The following DKK3 variants were observed in gnomAD, a reference collection of about 807,000 sequenced individuals.
The protein encoded by DKK3 is dickkopf Wnt signaling pathway inhibitor 3, also known as dickkopf-related protein 3.
DKK3 carries 22 observed loss-of-function variants against 33.2 expected under a neutral mutation model. The ratio of observed to expected loss-of-function variants is 0.66; its 90% confidence interval spans 0.47 to 0.95. The LOEUF (loss-of-function observed/expected upper bound fraction) is 0.95, where lower values mean the gene tolerates loss of function less well. Among genes scored for constraint, DKK3 ranks in the 40% least tolerant of loss-of-function variants. DKK3 has a pLI of 0.00. For missense variants in DKK3, 398 were observed against 458.4 expected (o/e 0.87, Z 1.20); for synonymous variants, 194 against 188.8 (o/e 1.03, Z -0.23).
intron 4 of DKK3, among the ~76,000 whole-genome samples, chr11:11,967,696 G>A (rs1847632030): frequency 1.3e-5 from 2 of 152,246 alleles, no homozygotes; most frequent in South Asian, 4.1e-4. Flanking sequence ...CTGTGTTATT[G>A]TCTGAATAAG....
At chr11:11,973,211 A>C (rs75196150) in intron 3 of DKK3, among the ~76,000 whole-genome samples, 7,045 of 152,278 alleles carry the variant, frequency 0.046, 275 homozygotes, top group African/African-American at 0.11. Flanking sequence ...CCTTATCCCT[A>C]CTTCACAGAT....
chr11:12,008,660 G>GCCCGCCGCCCCGCCCCGTTCCGC, upstream of DKK3: 4 of 1,260,338 alleles, frequency 3.2e-6, no homozygotes, highest in Non-Finnish European at 4.0e-6. This position sits in a 1 kb window ranked among gnomAD's most constrained non-coding sequence, Gnocchi z 4.6. Flanking sequence ...CCCTCGCTGG[G>GCCCGCCGCCCCGCCCCGTTCCGC]CCCGCCGCCC....
intron 3 of DKK3, among the ~76,000 whole-genome samples, chr11:11,977,745 T>C (rs1222714850): frequency 1.3e-5 from 2 of 152,170 alleles, no homozygotes; most frequent in Non-Finnish European, 2.9e-5. Context: ...AGGAGGCTGA[T>C]GGGCATTTCA....
In DKK3 at chr11:11,965,886, G is replaced by A. The variant is rs766785415; in HGVS notation, c.753C>T (p.Leu251=). ...CHDPASRLLD[L]ITWELEPDGA... is the part of the protein sequence containing the mutation. Reference sequence around the variant, plus strand: ...CATCAGGCTCTAGCTCCCAGGTGATGAGGTCCAGAAGCCGGCTGGCGGGGT... The same window carrying A: ...CATCAGGCTCTAGCTCCCAGGTGATAAGGTCCAGAAGCCGGCTGGCGGGGT... The change falls in exon 6 of 7, where the codon CTC becomes CTT. Residue 251 remains leucine, a synonymous_variant. Coordinates refer to ENST00000683431, the MANE Select transcript of DKK3 (RefSeq NM_001018057.2). 2 of 1,614,182 alleles carry A rather than the reference G, an allele frequency of 1.2e-6. No homozygotes were observed. The highest frequency in any genetic ancestry group is 1.7e-6 in the Non-Finnish European group (2 of 1,180,052).
intron 3 of DKK3, chr11:11,979,156 G>C (rs1847902048): frequency 6.6e-6 from 1 of 152,450 alleles, no homozygotes; most frequent in Middle Eastern, 3.4e-3. Context: ...ATCCATTCAG[G>C]GGCCTTGGCC....
chr11:11,967,060 C>G lies in DKK3; in HGVS notation c.567G>C (p.Leu189=). 6.2e-7 allele frequency: 1 copy of G among 1,613,966 alleles called. No individual in the cohort carries two copies. The highest frequency in any genetic ancestry group is 8.5e-7 in the Non-Finnish European group (1 of 1,180,024). Reference sequence around the variant, plus strand: ...TTTTGGTGCAGTGACCCCAGACACACAGCTGGTCTCCACAGCACTCACTGT... The same window carrying G: ...TTTTGGTGCAGTGACCCCAGACACAGAGCTGGTCTCCACAGCACTCACTGT... ...TRDSECCGDQ[L]CVWGHCTKMA... is the part of the protein sequence containing the mutation. The change falls in exon 5 of 7, where the codon CTG becomes CTC. Residue 189 remains leucine, a synonymous_variant. Coordinates refer to ENST00000683431, the MANE Select transcript of DKK3 (RefSeq NM_001018057.2).
chr11:11,976,859 C>T lies in DKK3; in HGVS notation c.436-8372G>A, dbSNP rs182599703. 1.3e-4 allele frequency among the ~76,000 whole-genome samples: 20 copies of T among 152,324 alleles called. No individual in the cohort carries two copies. The East Asian group carries it at 3.7e-3, about 28-fold the overall frequency. On this transcript the variant is annotated intron_variant, in intron 3 of 6. Transcript: ENST00000683431. ...TTTTTGACCTTAAAACCAGGCCAGT[C>T]GCAGGAGCCTGTAAGATGCACATTT...
intron 3 of DKK3, among the ~76,000 whole-genome samples, chr11:11,982,296 C>G (rs919616186): frequency 6.6e-6 from 1 of 151,854 alleles, no homozygotes; most frequent in Non-Finnish European, 1.5e-5. Flanking sequence ...GATGACAGGC[C>G]CTGCTGGGTA....
chr11:12,002,190 A>G, intron 2 of DKK3, 110 bp downstream of exon 2: 2 of 1,174,422 alleles, frequency 1.7e-6, no homozygotes, highest in East Asian at 2.5e-5. Context: ...ATGATTCTCA[A>G]TTGTAGTTTG....
At chr11:12,008,681 C>A (rs1208855930), upstream of DKK3, 7 of 1,222,470 alleles carry the variant, frequency 5.7e-6, no homozygotes, top group African/African-American at 1.1e-4. The surrounding 1 kb of genome is among the most constrained non-coding windows in gnomAD (Gnocchi z 4.6). Flanking sequence ...CGCCCCGTTC[C>A]GCCCCGCCGC....
At chr11:11,981,280 C>T (rs1029820619) in intron 3 of DKK3, among the ~76,000 whole-genome samples, 1 of 152,190 alleles carries the variant, frequency 6.6e-6, no homozygotes, top group Non-Finnish European at 1.5e-5. Context: ...GGGAGGCCAA[C>T]AGCACTGCCT....
chr11:11,999,124 A>G (rs1848367823), intron 2 of DKK3, among the ~76,000 whole-genome samples: 1 of 152,198 alleles, frequency 6.6e-6, no homozygotes, highest in Admixed American at 6.5e-5. Flanking sequence ...TTGAAACTCA[A>G]TGTCAACTTT....
In DKK3 at chr11:11,998,689, A is replaced by C. The variant is rs774535274; in HGVS notation, c.435+7T>G. 6.2e-6 allele frequency: 10 copies of C among 1,613,082 alleles called. No homozygotes were observed. Among genetic ancestry groups the C allele is most frequent in the Non-Finnish European group, 8.5e-6 (10 of 1,179,068 alleles). The stretch of plus-strand genomic sequence containing the variant: ...GGGGTGCAAGTACAGGGGAAATGAC[A>C]ACTTACGTGGCTCCTTCTGCCTTCT... On this transcript the variant is annotated splice_region_variant and intron_variant, in intron 3 of 6. Coordinates refer to ENST00000683431, the MANE Select transcript of DKK3 (RefSeq NM_001018057.2).
intron 4 of DKK3, 51 bp downstream of exon 4, chr11:11,968,344 C>T: frequency 6.4e-7 from 1 of 1,551,264 alleles, no homozygotes; most frequent in South Asian, 1.2e-5. Flanking sequence ...CTTTCTCCCC[C>T]AGGTGCCTGA....
At chr11:11,997,617 C>CTCCACAGCCAGTGCCCTT (rs1848325223) in intron 3 of DKK3, among the ~76,000 whole-genome samples, 1 of 152,120 alleles carries the variant, frequency 6.6e-6, no homozygotes, top group Non-Finnish European at 1.5e-5. Context: ...GGCTTCTAGA[C>CTCCACAGCCAGTGCCCTT]TCCACAGCCA....
At chr11:11,998,828 A>T (rs1277594504) in intron 2 of DKK3, 49 bp from the exon 3 acceptor site, 2 of 1,519,912 alleles carry the variant, frequency 1.3e-6, no homozygotes, top group South Asian at 2.2e-5. Flanking sequence ...AATTCTGGAC[A>T]AATTCCACAA....
At chr11:11,969,749 C>T (rs574526169) in intron 3 of DKK3, among the ~76,000 whole-genome samples, 2 of 152,332 alleles carry the variant, frequency 1.3e-5, no homozygotes, top group East Asian at 3.9e-4. Context: ...CCGGCAGCTG[C>T]CTCCAGTCCC....
chr11:12,002,416 C>T lies in DKK3; in HGVS notation c.235G>A (p.Ala79Thr). ...AGGTTCACTTCTGATGATGCTTTAG[C>T]AGCAGCTTCTTCTGCCTCCATCTAT... ...VEEMEAEEAA[A>T]KASSEVNLAN... The change falls in exon 2 of 7, where the codon GCT (alanine) becomes ACT (threonine). Residue 79 changes from alanine to threonine, a missense_variant. Physicochemically the swap from Ala to Thr is moderately conservative, Grantham distance 58 (BLOSUM62 0). Coordinates refer to ENST00000683431, the MANE Select transcript of DKK3 (RefSeq NM_001018057.2). 6.2e-7 allele frequency: 1 copy of T among 1,613,540 alleles called. No individual in the cohort carries two copies. The highest frequency in any genetic ancestry group is 2.2e-5 in the East Asian group (1 of 44,856).
intron 2 of DKK3, 52 bp from the exon 3 acceptor site, chr11:11,998,831 T>G: frequency 6.6e-7 from 1 of 1,522,842 alleles, no homozygotes; most frequent in Non-Finnish European, 9.1e-7. Flanking sequence ...TCTGGACAAA[T>G]TCCACAAGTT....
Sources: allele counts gnomAD v4.1 joint callset (sites outside exome capture counted in the v4.1 genomes callset), GRCh38; gene constraint gnomAD v4.1.1; non-coding constraint Gnocchi (gnomAD v3.1); transcripts MANE v1.5; gene names NCBI Gene and HGNC (gene_info 2026-07-23, HGNC 2026-07-21).